The following PCM1 variants were observed in gnomAD, a reference collection of about 807,000 sequenced individuals.
PCM1 encodes pericentriolar material 1.
A neutral mutation model predicts 241.9 loss-of-function variants in PCM1; 157 were observed. The observed-to-expected ratio is 0.65, with a 90% CI of 0.57 to 0.74. The LOEUF (loss-of-function observed/expected upper bound fraction) is 0.74. Ranked by LOEUF, PCM1 falls within the 30% of genes least tolerant of loss-of-function variation. The probability of loss-of-function intolerance (pLI) is 0.00; values close to 1 mark genes in which losing one functional copy is unlikely to be tolerated. For synonymous variants in PCM1, 1,085 were observed against 784.9 expected, an observed-to-expected ratio of 1.38 and a Z score of -6.39; for missense variants, 3,478 against 2,360.1, an observed-to-expected ratio of 1.47 and a Z score of -9.81.
intron 5 of PCM1, 63 bp from the exon 6 acceptor site, chr8:17,939,628 T>C: frequency 1.2e-6 from 1 of 850,792 alleles, no homozygotes; most frequent in Non-Finnish European, 1.7e-6. Context: ...TTGAACTAAT[T>C]ATCCTTAGTT....
chr8:17,962,059 G>A lies in PCM1; in HGVS notation c.2348G>A (p.Cys783Tyr). The A allele has an allele frequency of 6.2e-7, 1 of 1,611,396 alleles. No individual in the cohort carries two copies. Among genetic ancestry groups the A allele is most frequent in the Non-Finnish European group, 8.5e-7 (1 of 1,178,502 alleles). The change falls in exon 16 of 39, where the codon TGT becomes TAT. Residue 783 changes from cysteine (C) to tyrosine (Y), a missense_variant. Transcript: ENST00000325083. ...CTGTCAGCTGCTAGTGTGGGTAACT[G>A]TCCCACCAAAAAATATATGCCAGCT... ...LQLSAASVGN[C>Y]PTKKYMPAVT...
rs1156986769 is a variant in PCM1 at position 17,963,104 on chromosome 8, T to C, written c.2467T>C (p.Trp823Arg). The C allele has an allele frequency of 1.2e-6, 2 of 1,601,772 alleles. No individual in the cohort carries two copies. The highest frequency in any genetic ancestry group is 1.7e-6 in the Non-Finnish European group (2 of 1,173,994). Residue 823 changes from tryptophan to arginine, a missense_variant, in exon 17 of 39, where the codon TGG becomes CGG. Trp to Arg is a moderately radical substitution (Grantham distance 101). Coordinates refer to ENST00000325083, the MANE Select transcript of PCM1 (RefSeq NM_006197.4). ...EDSSIVDNEL[W>R]SEMRRHEMLR... ...TCTGGTTTCTTAAAAAAAATAGTTG[T>C]GGTCAGAAATGAGAAGACATGAAAT...
chr8:17,975,860 G>A (rs1294785937), intron 23 of PCM1, among the ~76,000 whole-genome samples: 4 of 152,036 alleles, frequency 2.6e-5, no homozygotes, highest in Admixed American at 6.6e-5. Flanking sequence ...TGTAATAATC[G>A]TATTTTAAAC....
At position 17,960,429 on chromosome 8, in the gene PCM1, A is replaced by G. The variant is rs763868750; in HGVS notation, c.2307A>G (p.Ala769=). The G allele has an allele frequency of 1.9e-6, 3 of 1,598,028 alleles. No individual in the cohort carries two copies. In the South Asian group the frequency reaches 3.4e-5, roughly 18 times the overall value. ...IQEKIQALQT[A]CPDLQLSAAS... ...AGAAAATTCAAGCATTGCAAACGGC[A>G]TGCCCTGACTTACAGGTAATTATGA... The change falls in exon 15 of 39, where the codon GCA becomes GCG. Residue 769 remains alanine (A), a synonymous_variant. Coordinates refer to ENST00000325083, the MANE Select transcript of PCM1 (RefSeq NM_006197.4).
At chr8:17,984,647 A>G (rs976543319) in intron 24 of PCM1, among the ~76,000 whole-genome samples, 11 of 151,934 alleles carry the variant, frequency 7.2e-5, no homozygotes, top group Non-Finnish European at 1.3e-4. Flanking sequence ...CTCTCACAAA[A>G]ATGAGTTTTT....
At chr8:17,959,437 C>G (rs1048202817) in intron 13 of PCM1, among the ~76,000 whole-genome samples, 1 of 152,014 alleles carries the variant, frequency 6.6e-6, no homozygotes, top group African/African-American at 2.4e-5. Flanking sequence ...TGTTTTCAAT[C>G]TTTCGCTATT....
chr8:17,932,938 C>A (rs1392493104), intron 2 of PCM1, among the ~76,000 whole-genome samples: 1 of 152,076 alleles, frequency 6.6e-6, no homozygotes, highest in Non-Finnish European at 1.5e-5. Context: ...TTCTGTGTGT[C>A]TGGGATGGAT....
At chr8:17,998,765 G>C (rs2087970134) in intron 29 of PCM1, among the ~76,000 whole-genome samples, 1 of 152,134 alleles carries the variant, frequency 6.6e-6, no homozygotes, top group African/African-American at 2.4e-5. Context: ...TTCCCTTCAG[G>C]GCAGTGAGTT....
intron 28 of PCM1, among the ~76,000 whole-genome samples, chr8:17,992,827 G>A (rs1282653526): frequency 6.6e-6 from 1 of 151,844 alleles, no homozygotes; most frequent in African/African-American, 2.4e-5. Flanking sequence ...ATATTGTCCA[G>A]GCTGGCCTTG....
At position 17,956,715 on chromosome 8, in the gene PCM1, A is replaced by G; in HGVS notation, c.1584A>G (p.Glu528=). The G allele has an allele frequency of 2.5e-6, 4 of 1,607,804 alleles. No homozygotes were observed. Among genetic ancestry groups the G allele is most frequent in the East Asian group, 2.2e-5 (1 of 44,724 alleles). The change falls in exon 11 of 39, where the codon GAA becomes GAG. Residue 528 remains glutamate, a synonymous_variant. Coordinates refer to ENST00000325083, the MANE Select transcript of PCM1 (RefSeq NM_006197.4). Reference sequence around the variant, plus strand: ...CTGTGAATGAAAACAGGAAAGATGAAGAAACTGAAGAGTCAGAATATGATT... The same window carrying G: ...CTGTGAATGAAAACAGGAAAGATGAGGAAACTGAAGAGTCAGAATATGATT... ...TDAVNENRKD[E]ETEESEYDSE... is the part of the protein sequence containing the mutation.
chr8:18,013,723 G>GTC, intron 34 of PCM1: 1 of 406,358 alleles, frequency 2.5e-6, no homozygotes. Context: ...GAACAGTGCA[G>GTC]TCTGTTCGTT....
At chr8:17,985,677 T>C (rs1223448860) in intron 25 of PCM1, 58 bp downstream of exon 25, 1 of 1,313,580 alleles carries the variant, frequency 7.6e-7, no homozygotes, top group Non-Finnish European at 1.1e-6. Flanking sequence ...CATGATTATC[T>C]CTGGTTGCTG....
intron 36 of PCM1, among the ~76,000 whole-genome samples, chr8:18,023,725 A>T (rs1032867534): frequency 6.6e-6 from 1 of 152,210 alleles, no homozygotes; most frequent in Admixed American, 6.5e-5. Flanking sequence ...TTCTTGCTAC[A>T]GTTACTGTGT....
At chr8:17,969,534 A>G in intron 21 of PCM1, 43 bp from the exon 22 acceptor site, 2 of 1,337,580 alleles carry the variant, frequency 1.5e-6, no homozygotes, top group South Asian at 1.3e-5. Context: ...AAAGCTAAAG[A>G]CATTTATTTA....
intron 35 of PCM1, 103 bp downstream of exon 35, chr8:18,014,139 G>C: frequency 1.4e-6 from 1 of 693,180 alleles, no homozygotes; most frequent in Non-Finnish European, 2.4e-6. Flanking sequence ...AAAATTCTTA[G>C]TTTGAAAGTA....
chr8:17,996,693 T>C (rs1388273354), intron 29 of PCM1, among the ~76,000 whole-genome samples: 1 of 152,238 alleles, frequency 6.6e-6, no homozygotes, highest in Non-Finnish European at 1.5e-5. Context: ...TATGTATGTT[T>C]TTGGATTTCA....
At chr8:17,923,345 C>T (rs995750785) in intron 1 of PCM1, among the ~76,000 whole-genome samples, 157 bp downstream of exon 1, 4 of 152,166 alleles carry the variant, frequency 2.6e-5, no homozygotes, top group Non-Finnish European at 2.9e-5. Flanking sequence ...GCTTCCCGTG[C>T]CCTAGGCGGT....
In PCM1 at chr8:18,006,331, C is replaced by T; in HGVS notation, c.4896C>T (p.Thr1632=). ...TAAGGCGCATGGTTTTGACCCTTAC[C>T]CAGCAAAATGATGAGAGCAAAGAGT... ...TSVRRMVLTL[T]QQNDESKEFV... is the part of the protein sequence containing the mutation. Residue 1632 remains threonine, a synonymous_variant, in exon 30 of 39, where the codon ACC becomes ACT. Coordinates refer to ENST00000325083, the MANE Select transcript of PCM1 (RefSeq NM_006197.4). 1 of 1,612,710 alleles carries T rather than the reference C, an allele frequency of 6.2e-7. No individual in the cohort carries two copies. Among genetic ancestry groups the T allele is most frequent in the Non-Finnish European group, 8.5e-7 (1 of 1,179,052 alleles).
chr8:17,946,178 T>A (rs535127944), intron 6 of PCM1, among the ~76,000 whole-genome samples: 41 of 152,304 alleles, frequency 2.7e-4, no homozygotes, highest in African/African-American at 8.9e-4. Flanking sequence ...AATCCATCCC[T>A]CTACTTTTAG....
Sources: allele counts gnomAD v4.1 joint callset (sites outside exome capture counted in the v4.1 genomes callset), GRCh38; gene constraint gnomAD v4.1.1; transcripts MANE v1.5; gene names NCBI Gene and HGNC (gene_info 2026-07-23, HGNC 2026-07-21).